Variants in ARHGAP26 observed in about 807,000 individuals in gnomAD.
ARHGAP26 encodes the protein Rho GTPase activating protein 26, also known as rho GTPase-activating protein 26.
In ARHGAP26, 38 loss-of-function variants were observed where a neutral mutation model predicts 104.8. That is an observed-to-expected ratio of 0.36 (90% confidence interval 0.28 to 0.48). ARHGAP26 has a LOEUF of 0.48. Ranked by LOEUF, ARHGAP26 falls within the 20% of genes least tolerant of loss-of-function variation. The pLI, the probability that ARHGAP26 is intolerant of heterozygous loss-of-function variation, is 0.99. For missense variants in ARHGAP26, 704 were observed against 947.9 expected, an observed-to-expected ratio of 0.74 and a Z score of 3.38; for synonymous variants, 341 against 340.0, an observed-to-expected ratio of 1.00 and a Z score of -0.03.
chr5:142,839,334 C>A (rs1317732912), intron 1 of ARHGAP26, among the ~76,000 whole-genome samples: 3 of 151,982 alleles, frequency 2.0e-5, no homozygotes, highest in Non-Finnish European at 4.4e-5. Flanking sequence ...GTTATAATAA[C>A]CCCATTTAAT....
intron 1 of ARHGAP26, among the ~76,000 whole-genome samples, chr5:142,813,520 C>T (rs1486382353): frequency 6.6e-6 from 1 of 152,210 alleles, no homozygotes; most frequent in Non-Finnish European, 1.5e-5. Context: ...AACAAGGTCC[C>T]ACAGACAGGG....
At chr5:143,059,276 G>C (rs1466509497) in intron 17 of ARHGAP26, among the ~76,000 whole-genome samples, 1 of 152,192 alleles carries the variant, frequency 6.6e-6, no homozygotes, top group Non-Finnish European at 1.5e-5. Context: ...GCAGAGAGCA[G>C]CTGGAGAAGG....
intron 20 of ARHGAP26, among the ~76,000 whole-genome samples, chr5:143,167,676 C>G (rs979693170): frequency 6.6e-6 from 1 of 151,972 alleles, no homozygotes; most frequent in Non-Finnish European, 1.5e-5. Flanking sequence ...GCCAGGCCAA[C>G]CATAATATTT....
At chr5:143,118,969 A>G (rs1421370928) in intron 17 of ARHGAP26, among the ~76,000 whole-genome samples, 1 of 151,986 alleles carries the variant, frequency 6.6e-6, no homozygotes, top group Non-Finnish European at 1.5e-5. Context: ...AAGAAGAAAG[A>G]AAAACAGTGG....
intron 1 of ARHGAP26, among the ~76,000 whole-genome samples, chr5:142,865,475 G>T (rs1427214426): frequency 2.1e-5 from 3 of 145,628 alleles, no homozygotes; most frequent in Middle Eastern, 3.6e-3. Context: ...TCAACACGGA[G>T]AAGTTTTTTT....
At chr5:143,203,093 A>T (rs1335275635) in intron 20 of ARHGAP26, 1 of 152,214 alleles carries the variant, frequency 6.6e-6, no homozygotes, top group Admixed American at 6.5e-5. Context: ...AATTAAACTA[A>T]AAAGCTTCTG....
chr5:142,940,436 C>T (rs558833106), intron 11 of ARHGAP26, among the ~76,000 whole-genome samples: 5 of 151,968 alleles, frequency 3.3e-5, no homozygotes, highest in Non-Finnish European at 7.4e-5. Context: ...AAGCCTAGTA[C>T]CCAATAATTA....
intron 12 of ARHGAP26, among the ~76,000 whole-genome samples, chr5:143,020,855 T>C (rs1780252483): frequency 6.6e-6 from 1 of 152,102 alleles, no homozygotes; most frequent in Non-Finnish European, 1.5e-5. Context: ...TTAGCCAGGA[T>C]GGTCTCGATC....
At chr5:142,908,177 G>A (rs977037279) in intron 9 of ARHGAP26, among the ~76,000 whole-genome samples, 2 of 152,196 alleles carry the variant, frequency 1.3e-5, no homozygotes, top group African/African-American at 4.8e-5. Context: ...TGGCAACATA[G>A]ATGTCCTGGT....
intron 11 of ARHGAP26, among the ~76,000 whole-genome samples, chr5:142,985,145 T>TA (rs1774488395): frequency 6.6e-6 from 1 of 151,994 alleles, no homozygotes; most frequent in African/African-American, 2.4e-5. Flanking sequence ...AAAAATAGCT[T>TA]AAAAAGGAAA....
intron 1 of ARHGAP26, among the ~76,000 whole-genome samples, chr5:142,850,287 GA>G (rs2152256704): frequency 1.3e-5 from 2 of 152,234 alleles, no homozygotes; most frequent in South Asian, 4.1e-4. Context: ...ATTCCTTTGT[GA>G]CCAGTTTAAC....
At chr5:143,049,649 A>G (rs553780594) in intron 14 of ARHGAP26, among the ~76,000 whole-genome samples, 1 of 152,300 alleles carries the variant, frequency 6.6e-6, no homozygotes, top group Non-Finnish European at 1.5e-5. Flanking sequence ...CACTGTGGAT[A>G]GATTCTCCTT....
At chr5:143,122,365 A>G (rs929406239) in intron 18 of ARHGAP26, among the ~76,000 whole-genome samples, 10 of 152,236 alleles carry the variant, frequency 6.6e-5, no homozygotes, top group African/African-American at 2.4e-4. Context: ...CTGTTCTTCC[A>G]TAAAACCACA....
At chr5:143,020,502 C>A (rs1780164822) in intron 12 of ARHGAP26, among the ~76,000 whole-genome samples, 1 of 152,056 alleles carries the variant, frequency 6.6e-6, no homozygotes, top group South Asian at 2.1e-4. Context: ...GTGAGCTACA[C>A]TTGAAAAATG....
intron 17 of ARHGAP26, among the ~76,000 whole-genome samples, chr5:143,108,908 G>C (rs1794424048): frequency 6.6e-6 from 1 of 152,214 alleles, no homozygotes; most frequent in Non-Finnish European, 1.5e-5. Flanking sequence ...TCTCAGCGCT[G>C]GGTCCCAGAG....
rs3073231 is a variant in ARHGAP26, at chr5:143,012,552, C to CATATATATATATATATATATATATAT, written c.1108-1504_1108-1503insATATATATATATATATATATATATAT. 8.3e-3 allele frequency among the ~76,000 whole-genome samples: 173 copies of CATATATATATATATATATATATATAT among 20,738 alleles called. 23 individuals are homozygous for CATATATATATATATATATATATATAT. The highest frequency in any genetic ancestry group is 0.016 in the East Asian group (25 of 1,546). The allele number at this position is 20,738 out of a possible 152,430, so 13.6% of individuals were successfully genotyped here. A position where few individuals can be genotyped will look rare whatever the true frequency, so the allele number is the denominator to read the frequency against. On this transcript the variant is annotated intron_variant, in intron 11 of 22. Transcript: ENST00000645722. ...AGGGATATATTTATATACATACATACATATATATATATATATATATATATT... is the reference window on the plus strand; with the variant it reads ...AGGGATATATTTATATACATACATACATATATATATATATATATATATATATATATATATATATATATATATATATT...
chr5:143,118,920 C>T (rs1795805624), intron 17 of ARHGAP26, among the ~76,000 whole-genome samples: 2 of 150,560 alleles, frequency 1.3e-5, no homozygotes, highest in Non-Finnish European at 2.9e-5. Flanking sequence ...GCACATGTAC[C>T]CTAAAACTTA....
intron 11 of ARHGAP26, among the ~76,000 whole-genome samples, chr5:142,982,581 A>G (rs1481656322): frequency 2.0e-5 from 3 of 152,164 alleles, no homozygotes; most frequent in Admixed American, 2.0e-4. Flanking sequence ...TCTGAAAAGG[A>G]AGGGAAGGAT....
chr5:143,073,067 A>G (rs1273883629), intron 17 of ARHGAP26, among the ~76,000 whole-genome samples: 1 of 152,198 alleles, frequency 6.6e-6, no homozygotes, highest in African/African-American at 2.4e-5. Flanking sequence ...TGTTTTAGTA[A>G]TAGTTAAATC....
Sources: allele counts gnomAD v4.1 joint callset (sites outside exome capture counted in the v4.1 genomes callset), GRCh38; gene constraint gnomAD v4.1.1; transcripts MANE v1.5; gene names NCBI Gene and HGNC (gene_info 2026-07-23, HGNC 2026-07-21).